The following SPON1 variants were observed in gnomAD, a reference collection of about 807,000 sequenced individuals.
The protein encoded by SPON1 is spondin 1.
A neutral mutation model predicts 111.7 loss-of-function variants in SPON1; 52 were observed. That is an observed-to-expected ratio of 0.47 (90% confidence interval 0.37 to 0.59). SPON1 has a LOEUF of 0.59. SPON1 is among the 20% of genes least tolerant of loss of function. The pLI is 0.00. For missense variants in SPON1, 957 were observed against 1,068.5 expected (o/e 0.90, Z 1.46); for synonymous variants, 410 against 395.8 (o/e 1.04, Z -0.43).
chr11:14,033,072 CCTT>C (rs1407897178), intron 2 of SPON1, among the ~76,000 whole-genome samples: 1 of 152,186 alleles, frequency 6.6e-6, no homozygotes, highest in Non-Finnish European at 1.5e-5. Flanking sequence ...AGAAGATGTC[CCTT>C]CTTATCCCAA....
intron 6 of SPON1, among the ~76,000 whole-genome samples, chr11:14,160,470 TATATATATA>T (rs1847904071): frequency 7.1e-5 from 1 of 14,026 alleles, no homozygotes; most frequent in Non-Finnish European, 1.1e-4. Context: ...TATATATATT[TATATATATA>T]TTTATATATA....
chr11:14,229,667 A>T (rs1357063111), intron 6 of SPON1, among the ~76,000 whole-genome samples: 2 of 152,170 alleles, frequency 1.3e-5, no homozygotes, highest in Non-Finnish European at 2.9e-5. Flanking sequence ...AGCCCAGCAC[A>T]GTGTCCGACC....
chr11:14,025,682 G>A (rs782441218), intron 2 of SPON1, among the ~76,000 whole-genome samples: 3 of 152,090 alleles, frequency 2.0e-5, no homozygotes, highest in Admixed American at 6.5e-5. Flanking sequence ...GCAGGTGGAG[G>A]GTGCAGCCTA....
chr11:14,059,977 T>C (rs1554919663), intron 3 of SPON1, among the ~76,000 whole-genome samples: 10 of 152,216 alleles, frequency 6.6e-5, no homozygotes. Flanking sequence ...GTTGGAATCC[T>C]GGCTCTACCC....
chr11:14,130,347 G>T (rs1361120467), intron 5 of SPON1, among the ~76,000 whole-genome samples: 1 of 152,140 alleles, frequency 6.6e-6, no homozygotes, highest in Non-Finnish European at 1.5e-5. Flanking sequence ...GAGTGCCCTT[G>T]GTGGTAAATG....
At chr11:14,231,327 G>A (rs1848799631) in intron 6 of SPON1, among the ~76,000 whole-genome samples, 1 of 151,724 alleles carries the variant, frequency 6.6e-6, no homozygotes, top group South Asian at 2.1e-4. Context: ...TAGAGACAGG[G>A]TTTTACCGTG....
chr11:13,976,000 T>G (rs1564877254), intron 1 of SPON1, among the ~76,000 whole-genome samples: 1 of 152,238 alleles, frequency 6.6e-6, no homozygotes. Flanking sequence ...CTTAAAATTC[T>G]TGAACAGTTT....
intron 6 of SPON1, among the ~76,000 whole-genome samples, chr11:14,226,929 C>T (rs1250736345): frequency 6.6e-6 from 1 of 152,182 alleles, no homozygotes; most frequent in Non-Finnish European, 1.5e-5. Context: ...CTTCCATTAT[C>T]ACAGTACCTT....
intron 6 of SPON1, among the ~76,000 whole-genome samples, chr11:14,167,533 A>C (rs1299543266): frequency 6.6e-6 from 1 of 152,098 alleles, no homozygotes; most frequent in Non-Finnish European, 1.5e-5. Flanking sequence ...ATTATCTTTT[A>C]ACATTACTTA....
intron 14 of SPON1, chr11:14,262,373 A>G (rs1849195604): frequency 3.2e-6 from 1 of 309,502 alleles, no homozygotes; most frequent in African/African-American, 2.1e-5. Context: ...GGACTGTGGG[A>G]AGCTATTCTG....
intron 6 of SPON1, among the ~76,000 whole-genome samples, chr11:14,205,095 G>T (rs12288079): frequency 9.9e-5 from 15 of 152,070 alleles, no homozygotes; most frequent in African/African-American, 3.4e-4. Context: ...GTTTCCTTCC[G>T]TTCCATTTGC....
chr11:14,263,696 G>A (rs771159042), intron 15 of SPON1, among the ~76,000 whole-genome samples: 31 of 152,302 alleles, frequency 2.0e-4, no homozygotes, highest in Non-Finnish European at 3.4e-4. Context: ...GAAAACTAGA[G>A]TGGGTCTTGA....
intron 6 of SPON1, among the ~76,000 whole-genome samples, chr11:14,195,210 T>C (rs4757239): frequency 0.41 from 62,475 of 152,124 alleles, 13,006 homozygotes; most frequent in East Asian, 0.55. Context: ...TATTAAATGC[T>C]ATGCAGAGTT....
chr11:14,214,705 C>T (rs1046965638), intron 6 of SPON1, among the ~76,000 whole-genome samples: 9 of 152,122 alleles, frequency 5.9e-5, no homozygotes, highest in African/African-American at 2.2e-4. Flanking sequence ...AAGAGAGCCT[C>T]GGAGAACTGT....
intron 5 of SPON1, among the ~76,000 whole-genome samples, chr11:14,083,034 C>T (rs1402379382): frequency 1.3e-5 from 2 of 152,040 alleles, no homozygotes; most frequent in Non-Finnish European, 2.9e-5. Flanking sequence ...ATCAATCTTC[C>T]ATGTATCAAA....
intron 2 of SPON1, among the ~76,000 whole-genome samples, chr11:14,000,117 G>A (rs879967292): frequency 3.3e-5 from 5 of 152,078 alleles, no homozygotes; most frequent in East Asian, 3.9e-4. Context: ...TCTTTTATCC[G>A]CCATGGTTGA....
chr11:14,101,090 G>T (rs532166825), intron 5 of SPON1, among the ~76,000 whole-genome samples: 2 of 151,868 alleles, frequency 1.3e-5, no homozygotes. Flanking sequence ...ACTTGATGTC[G>T]TTTTTTTCTT....
chr11:14,221,930 C>A (rs1262255319), intron 6 of SPON1, among the ~76,000 whole-genome samples: 3 of 152,200 alleles, frequency 2.0e-5, no homozygotes, highest in Non-Finnish European at 4.4e-5. Context: ...CACTCCCAGC[C>A]CTCAGTGAAG....
At chr11:14,030,402 T>A (rs1848549376) in intron 2 of SPON1, among the ~76,000 whole-genome samples, 1 of 152,162 alleles carries the variant, frequency 6.6e-6, no homozygotes, top group African/African-American at 2.4e-5. Flanking sequence ...TTCTCAGGAC[T>A]AAACTTCTGT....
Sources: gnomAD v4.1 joint callset for allele counts (sites outside exome capture counted in the v4.1 genomes callset) on GRCh38, gnomAD v4.1.1 for gene constraint, MANE v1.5 for transcripts, NCBI Gene and HGNC (gene_info 2026-07-23, HGNC 2026-07-21) for gene names.